Variants in CCDC82 observed in about 807,000 individuals in gnomAD.
The protein encoded by CCDC82 is coiled-coil domain-containing protein 82.
Under a neutral mutation model 60.6 loss-of-function variants are expected in CCDC82, and 47 were observed. That is an observed-to-expected ratio of 0.77 (90% CI 0.61 to 0.99). The LOEUF is 0.99. Ranked by LOEUF, CCDC82 falls within the 50% of genes least tolerant of loss-of-function variation. The pLI is 0.00. For synonymous variants in CCDC82, 212 were observed against 207.4 expected, an observed-to-expected ratio of 1.02 and a Z score of -0.19; for missense variants, 588 against 633.0, an observed-to-expected ratio of 0.93 and a Z score of 0.76.
chr11:96,362,035 C>T (rs886162566), intron 8 of CCDC82, among the ~76,000 whole-genome samples: 28 of 152,060 alleles, frequency 1.8e-4, no homozygotes, highest in African/African-American at 3.6e-4. Context: ...ACCAAGTGAT[C>T]GCACATATGT....
At chr11:96,378,408 A>G (rs1422827544) in intron 5 of CCDC82, among the ~76,000 whole-genome samples, 1 of 152,016 alleles carries the variant, frequency 6.6e-6, no homozygotes, top group Admixed American at 6.6e-5. Flanking sequence ...ATACTGCAAT[A>G]AATTTCACAG....
chr11:96,369,634 C>T (rs577225611), intron 7 of CCDC82, among the ~76,000 whole-genome samples: 4 of 152,072 alleles, frequency 2.6e-5, no homozygotes, highest in Non-Finnish European at 5.9e-5. Context: ...ATAATAGTAA[C>T]ATCAAAGATC....
At chr11:96,358,920 C>T (rs1301878523) in intron 9 of CCDC82, 73 bp downstream of exon 9, 2 of 1,273,096 alleles carry the variant, frequency 1.6e-6, no homozygotes, top group Non-Finnish European at 2.2e-6. Flanking sequence ...ATCTTTTAAT[C>T]ATTTGTTTCC....
At chr11:96,359,642 T>TAAAAA (rs139619843) in intron 8 of CCDC82, among the ~76,000 whole-genome samples, 12 of 81,356 alleles carry the variant, frequency 1.5e-4, no homozygotes, top group East Asian at 7.6e-4. Context: ...ATGGGCAAAG[T>TAAAAA]AAAAAAAAAA....
At chr11:96,359,681 T>A (rs1816194644) in intron 8 of CCDC82, among the ~76,000 whole-genome samples, 1 of 140,952 alleles carries the variant, frequency 7.1e-6, no homozygotes, top group African/African-American at 2.6e-5. Flanking sequence ...AAAAGTATGA[T>A]AAGTCCATAT....
Position 96,384,129 on chromosome 11 carries a change from C to T in CCDC82, c.619G>A (p.Val207Ile), listed in dbSNP as rs747400465. The T allele has an allele frequency of 1.2e-6, 2 of 1,613,732 alleles. No homozygotes were observed. Among genetic ancestry groups the T allele is most frequent in the Non-Finnish European group, 1.7e-6 (2 of 1,179,756 alleles). ...TCAACCACTCTACGGGGACGTTTAACACCTACTTTTCTAACTAGGATATCG... is the reference window on the plus strand; with the variant it reads ...TCAACCACTCTACGGGGACGTTTAATACCTACTTTTCTAACTAGGATATCG... ...DSDILVRKVG[V>I]KRPRRVVEDE... is the part of the protein sequence containing the mutation. Residue 207 changes from valine to isoleucine, a missense_variant, in exon 4 of 10, where the codon GTT (valine) becomes ATT (isoleucine). Transcript: ENST00000646818.
chr11:96,373,425 T>C lies in CCDC82; in HGVS notation c.1034A>G (p.Lys345Arg). ...DHYTHFERVV[K>R]ALLINALDES... ...ATCTAAAGCGTTGATCAGAAGAGCC[T>C]TCACAACTCTTTCAAAATGAGTATA... The change falls in exon 6 of 10, where the codon AAG becomes AGG. Residue 345 changes from lysine (K) to arginine (R), a missense_variant. Physicochemically the swap from Lys to Arg is conservative, Grantham distance 26. Coordinates refer to ENST00000646818, the MANE Select transcript of CCDC82 (RefSeq NM_024725.4). 1 of 1,610,440 alleles carries C rather than the reference T, an allele frequency of 6.2e-7. No homozygotes were observed. Among genetic ancestry groups the C allele is most frequent in the Non-Finnish European group, 8.5e-7 (1 of 1,177,444 alleles).
Position 96,384,421 on chromosome 11 carries a change from A to G in CCDC82, c.327T>C (p.Tyr109=), listed in dbSNP as rs377425464. Residue 109 remains tyrosine (Y), a synonymous_variant, in exon 4 of 10, where the codon TAT becomes TAC. Coordinates refer to ENST00000646818, the MANE Select transcript of CCDC82 (RefSeq NM_024725.4). ...CLINSGNGST[Y]EEETNKIKHR... ...GTTTGATTTTGTTCGTTTCTTCTTC[A>G]TATGTTGAACCGTTGCCAGAGTTAA... The G allele has an allele frequency of 2.5e-6, 4 of 1,613,586 alleles. No homozygotes were observed. The African/African-American group carries it at 5.3e-5, about 22-fold the overall frequency.
intron 9 of CCDC82, chr11:96,358,728 A>G (rs1411052018): frequency 1.9e-6 from 2 of 1,072,080 alleles, no homozygotes; most frequent in Non-Finnish European, 2.5e-6. Context: ...CATAAAAGCG[A>G]AAGGACAGAG....
Position 96,369,614 on chromosome 11 carries a change from T to C in CCDC82, c.1209+1399A>G, listed in dbSNP as rs1166428109. ...TATATGGGCATGGTTTCTGTCACCC[T>C]CAAACAATTATAATAGTAACATCAA... On this transcript the variant is annotated intron_variant, in intron 7 of 9. Coordinates refer to ENST00000646818, the MANE Select transcript of CCDC82 (RefSeq NM_024725.4). Among the ~76,000 whole-genome samples, 4 of 152,144 alleles carry C rather than the reference T, an allele frequency of 2.6e-5. No individual in the cohort carries two copies. In the East Asian group the frequency reaches 7.7e-4, roughly 29 times the overall value.
chr11:96,358,442 A>C, intron 9 of CCDC82: 2 of 1,228,702 alleles, frequency 1.6e-6, no homozygotes, highest in South Asian at 8.4e-5. Flanking sequence ...ATATGGGGGA[A>C]TCAAAATCAG....
At chr11:96,371,375 G>A (rs1865260116) in intron 6 of CCDC82, among the ~76,000 whole-genome samples, 1 of 152,120 alleles carries the variant, frequency 6.6e-6, no homozygotes, top group African/African-American at 2.4e-5. Flanking sequence ...GAGGTCAGGA[G>A]ATCGAGACCA....
At chr11:96,386,917 G>A (rs1227021689) in intron 2 of CCDC82, 4 of 152,092 alleles carry the variant, frequency 2.6e-5, no homozygotes, top group African/African-American at 7.2e-5. Flanking sequence ...GTTACAATAC[G>A]TCCACCCAGT....
At chr11:96,386,192 G>A (rs949368459) in intron 3 of CCDC82, 62 bp downstream of exon 3, 8 of 152,268 alleles carry the variant, frequency 5.3e-5, no homozygotes, top group Admixed American at 1.3e-4. Context: ...AATGTGCTGC[G>A]AATTCTGAAG....
rs10831519 is a variant in CCDC82 at position 96,383,280 on chromosome 11, T to C, written c.980A>G (p.Gln327Arg). ...LTTSQLKLVK[Q>R]NSLYSFSDHY... Reference sequence around the variant, plus strand: ...AATATTGAACTTACAAAGAGAATTCTGTTTTACTAATTTCAGTTGTGATGT... The same window carrying C: ...AATATTGAACTTACAAAGAGAATTCCGTTTTACTAATTTCAGTTGTGATGT... The change falls in exon 5 of 10, where the codon CAG becomes CGG. Residue 327 changes from glutamine to arginine, a missense_variant. Physicochemically the swap from Gln to Arg is conservative, Grantham distance 43. Transcript: ENST00000646818. 0.2 allele frequency: 301,695 copies of C among 1,534,110 alleles called. 30,792 individuals carry two copies. The highest frequency in any genetic ancestry group is 0.33 in the East Asian group (14,719 of 44,306).
intron 5 of CCDC82, among the ~76,000 whole-genome samples, chr11:96,376,448 C>T (rs1308928050): frequency 2.8e-5 from 4 of 143,626 alleles, no homozygotes; most frequent in South Asian, 4.3e-4. Context: ...TTTTTTTGAG[C>T]CGGAGTCTTA....
intron 5 of CCDC82, among the ~76,000 whole-genome samples, chr11:96,378,227 T>A (rs927178259): frequency 6.6e-5 from 10 of 152,088 alleles, no homozygotes; most frequent in Non-Finnish European, 1.3e-4. Context: ...CTTTACATTT[T>A]AAAATTTTTG....
At chr11:96,372,755 T>A (rs980891845) in intron 6 of CCDC82, among the ~76,000 whole-genome samples, 4 of 146,376 alleles carry the variant, frequency 2.7e-5, no homozygotes, top group African/African-American at 1.0e-4. Context: ...CGTATATTTA[T>A]ATATATATTT....
At chr11:96,372,908 T>G (rs1392513758) in intron 6 of CCDC82, among the ~76,000 whole-genome samples, 1 of 151,872 alleles carries the variant, frequency 6.6e-6, no homozygotes, top group East Asian at 1.9e-4. Context: ...AAATATTATG[T>G]GAATGGGTCA....
Sources: gnomAD v4.1 joint callset for allele counts (sites outside exome capture counted in the v4.1 genomes callset) on GRCh38, gnomAD v4.1.1 for gene constraint, MANE v1.5 for transcripts, NCBI Gene and HGNC (gene_info 2026-07-23, HGNC 2026-07-21) for gene names.